NMBR: variants seen among roughly 807,000 people sequenced by gnomAD.
NMBR encodes the protein neuromedin-B receptor.
Under a neutral mutation model 20.5 loss-of-function variants are expected in NMBR, and 16 were observed. That is an observed-to-expected ratio of 0.78 (90% CI 0.53 to 1.19). NMBR has a LOEUF of 1.19. NMBR is among the 50% of genes most tolerant of loss of function. NMBR has a pLI of 0.00. For missense variants in NMBR, 582 were observed against 499.1 expected (o/e 1.17, Z -1.58); for synonymous variants, 212 against 196.6 (o/e 1.08, Z -0.65).
chr6:142,110,693 T>C (rs1208883348), intron 1 of NMBR, among the ~76,000 whole-genome samples: 1 of 152,266 alleles, frequency 6.6e-6, no homozygotes, highest in East Asian at 1.9e-4. Flanking sequence ...ACTATTTAAT[T>C]GTACACTTTA....
intron 2 of NMBR, among the ~76,000 whole-genome samples, chr6:142,084,847 C>A (rs1777169976): frequency 6.6e-6 from 1 of 152,122 alleles, no homozygotes; most frequent in Non-Finnish European, 1.5e-5. Context: ...CGCCACCAAC[C>A]TGATGTCACA....
intron 1 of NMBR, among the ~76,000 whole-genome samples, chr6:142,132,912 T>C (rs1275558192): frequency 6.6e-6 from 1 of 152,164 alleles, no homozygotes; most frequent in African/African-American, 2.4e-5. Context: ...AAGGGATTAT[T>C]AGATTGGCCA....
intron 1 of NMBR, among the ~76,000 whole-genome samples, chr6:142,091,969 C>T (rs1027446111): frequency 6.6e-6 from 1 of 152,078 alleles, no homozygotes; most frequent in Non-Finnish European, 1.5e-5. Context: ...TCCTCATCTG[C>T]TTCAATGTAT....
chr6:142,122,399 C>G (rs557146860), intron 1 of NMBR, among the ~76,000 whole-genome samples: 1 of 151,964 alleles, frequency 6.6e-6, no homozygotes, highest in South Asian at 2.1e-4. Context: ...ATCACCATAC[C>G]ATATCATCAT....
At chr6:142,142,438 G>A (rs766796581) in intron 1 of NMBR, among the ~76,000 whole-genome samples, 8 of 152,026 alleles carry the variant, frequency 5.3e-5, no homozygotes, top group South Asian at 2.1e-4. Flanking sequence ...GGTTTACCCC[G>A]GGAATGAAAA....
chr6:142,092,907 C>A (rs1199502536), intron 1 of NMBR, among the ~76,000 whole-genome samples: 1 of 152,036 alleles, frequency 6.6e-6, no homozygotes, highest in African/African-American at 2.4e-5. Context: ...AAAACACTTA[C>A]CCAAAAAGGG....
Position 142,139,518 on chromosome 6 carries a change from C to T in NMBR, c.-664+7526G>A, listed in dbSNP as rs112970830. On this transcript the variant is annotated intron_variant, in intron 1 of 3. Coordinates refer to ENST00000258042, the MANE Select transcript of NMBR (RefSeq NM_002511.4). ...GATCTCTGGAGCTCTCTCGCTTTTC[C>T]AGCTACCTTACTGTAGCATCCATTA... 7.0e-3 allele frequency among the ~76,000 whole-genome samples: 1,066 copies of T among 152,308 alleles called. 16 individuals carry two copies. Among genetic ancestry groups the T allele is most frequent in the African/African-American group, 0.024 (1,016 of 41,560 alleles).
chr6:142,098,520 C>T (rs1777502080), intron 1 of NMBR, among the ~76,000 whole-genome samples: 1 of 152,076 alleles, frequency 6.6e-6, no homozygotes. Context: ...AAATCACTTT[C>T]CTATATACCG....
chr6:142,121,733 C>T (rs113218416), intron 1 of NMBR, among the ~76,000 whole-genome samples: 4,657 of 128,298 alleles, frequency 0.036, 250 homozygotes, highest in African/African-American at 0.12. Flanking sequence ...TACTTTAAAA[C>T]TCTGTTTCCC....
intron 1 of NMBR, among the ~76,000 whole-genome samples, chr6:142,125,421 C>CCATATACACATATACATGTGCATG (rs1163630490): frequency 0.024 from 1,590 of 65,422 alleles, 386 homozygotes; most frequent in Middle Eastern, 0.054. Flanking sequence ...TACATTTCAA[C>CCATATACACATATACATGTGCATG]CATATACACA....
In NMBR at chr6:142,089,279, G is replaced by C. The variant is rs1374017595; in HGVS notation, c.-621C>G. 6.6e-6 allele frequency: 1 copy of C among 152,192 alleles called. No individual in the cohort carries two copies. Among genetic ancestry groups the C allele is most frequent in the African/African-American group, 2.4e-5 (1 of 41,418 alleles). 9.4% of individuals were successfully genotyped at this position (152,192 alleles called of 1,614,324 possible). On this transcript the variant is annotated 5_prime_UTR_variant, in exon 2 of 4. Coordinates refer to ENST00000258042, the MANE Select transcript of NMBR (RefSeq NM_002511.4). ...GGAGGAGCTCCAGGCAAGAACTTTG[G>C]AATCTCTGAGGATTAAAGGGCTGAG...
At chr6:142,117,224 G>T (rs754582264) in intron 1 of NMBR, among the ~76,000 whole-genome samples, 8 of 151,880 alleles carry the variant, frequency 5.3e-5, no homozygotes, top group Admixed American at 1.3e-4. Flanking sequence ...CAGAAAATAT[G>T]TGATGGATTT....
chr6:142,082,466 C>T (rs553827984), intron 2 of NMBR, among the ~76,000 whole-genome samples: 22 of 152,070 alleles, frequency 1.4e-4, no homozygotes, highest in South Asian at 4.2e-4. Context: ...ATGCCTAAGA[C>T]GCATCAATAT....
rs1357358394 is a variant in NMBR, at chr6:142,075,627, T to C, written c.*21A>G. 2 of 1,584,972 alleles carry C rather than the reference T, an allele frequency of 1.3e-6. No individual in the cohort carries two copies. The highest frequency in any genetic ancestry group is 2.7e-5 in the African/African-American group (2 of 74,096). Reference sequence around the variant, plus strand: ...TAACAGTTACTAAGTTCTCTCCAGGTAGTGAGTTGAATGGCCAAAATCACA... The same window carrying C: ...TAACAGTTACTAAGTTCTCTCCAGGCAGTGAGTTGAATGGCCAAAATCACA... On this transcript the variant is annotated 3_prime_UTR_variant, in exon 4 of 4. Coordinates refer to ENST00000258042, the MANE Select transcript of NMBR (RefSeq NM_002511.4).
At chr6:142,085,503 G>A (rs1397521664) in intron 2 of NMBR, among the ~76,000 whole-genome samples, 2 of 152,070 alleles carry the variant, frequency 1.3e-5, no homozygotes, top group Non-Finnish European at 2.9e-5. Flanking sequence ...CAGCCTGAGT[G>A]ACAGAGCAAG....
intron 1 of NMBR, among the ~76,000 whole-genome samples, chr6:142,126,177 C>G (rs73577760): frequency 1.0e-3 from 157 of 151,456 alleles, no homozygotes; most frequent in African/African-American, 3.4e-3. Flanking sequence ...TATTTCCCGT[C>G]AACATAATGT....
At chr6:142,093,595 T>A (rs1582843316) in intron 1 of NMBR, among the ~76,000 whole-genome samples, 1 of 152,128 alleles carries the variant, frequency 6.6e-6, no homozygotes, top group African/African-American at 2.4e-5. Context: ...CCATTGTGAA[T>A]AGTGCCACAA....
intron 1 of NMBR, chr6:142,133,905 G>A (rs370409338): frequency 1.9e-5 from 13 of 702,156 alleles, no homozygotes; most frequent in East Asian, 2.7e-5. Flanking sequence ...GGATCGATCC[G>A]AATATTCTTC....
intron 1 of NMBR, among the ~76,000 whole-genome samples, chr6:142,136,238 G>C (rs1261313321): frequency 6.6e-6 from 1 of 152,152 alleles, no homozygotes; most frequent in Admixed American, 6.5e-5. Flanking sequence ...GCATTTCTCT[G>C]ATGGCCAGTG....
Sources: gnomAD v4.1 joint callset for allele counts (sites outside exome capture counted in the v4.1 genomes callset) on GRCh38, gnomAD v4.1.1 for gene constraint, MANE v1.5 for transcripts, NCBI Gene and HGNC (gene_info 2026-07-23, HGNC 2026-07-21) for gene names.